KLHL32: variants seen among roughly 807,000 people sequenced by gnomAD.
The protein encoded by KLHL32 is kelch like family member 32.
In KLHL32, 35 loss-of-function variants were observed where a neutral mutation model predicts 64.8. That is an observed-to-expected ratio of 0.54 (90% confidence interval 0.41 to 0.72). The LOEUF (loss-of-function observed/expected upper bound fraction) is 0.72. Among genes scored for constraint, KLHL32 ranks in the 30% least tolerant of loss-of-function variants. KLHL32 has a pLI of 0.00. For missense variants in KLHL32, 589 were observed against 768.5 expected (o/e 0.77, Z 2.76); for synonymous variants, 259 against 281.0 (o/e 0.92, Z 0.78).
At chr6:97,105,469 T>A (rs1311215566) in intron 6 of KLHL32, 1 of 471,110 alleles carries the variant, frequency 2.1e-6, no homozygotes, top group Non-Finnish European at 4.4e-6. Flanking sequence ...CTGCCTTTTG[T>A]GCACTGAGGG....
intron 4 of KLHL32, among the ~76,000 whole-genome samples, chr6:97,055,428 T>TATCAC (rs1787640931): frequency 6.6e-6 from 1 of 152,172 alleles, no homozygotes; most frequent in African/African-American, 2.4e-5. Flanking sequence ...CTCTGTCCAA[T>TATCAC]ATCACTCCTG....
At chr6:96,984,822 A>G (rs1458264840) in intron 3 of KLHL32, among the ~76,000 whole-genome samples, 1 of 152,092 alleles carries the variant, frequency 6.6e-6, no homozygotes, top group Non-Finnish European at 1.5e-5. Flanking sequence ...TTGACTCTTT[A>G]TCCAATTTGC....
At chr6:96,991,714 G>A (rs1777896335) in intron 3 of KLHL32, among the ~76,000 whole-genome samples, 2 of 152,132 alleles carry the variant, frequency 1.3e-5, no homozygotes, top group Admixed American at 6.5e-5. Context: ...ACAGGAGCGA[G>A]GGCTTCAGAG....
At chr6:96,898,277 A>G in the KLHL32 span, among the ~76,000 whole-genome samples, 1 of 152,250 alleles carries the variant, frequency 6.6e-6, no homozygotes, top group Admixed American at 6.5e-5. Flanking sequence ...TTCACAGGGC[A>G]ATGCCACCAA....
chr6:97,123,807 T>C (rs939320411), intron 7 of KLHL32, among the ~76,000 whole-genome samples: 1 of 152,196 alleles, frequency 6.6e-6, no homozygotes, highest in African/African-American at 2.4e-5. Context: ...TATAGCAGCA[T>C]GTGGCATCGT....
At chr6:96,926,947 G>A (rs946860690) in intron 1 of KLHL32, among the ~76,000 whole-genome samples, 1 of 152,140 alleles carries the variant, frequency 6.6e-6, no homozygotes, top group African/African-American at 2.4e-5. Flanking sequence ...TCAATTATAA[G>A]TTAGTATTCT....
intron 5 of KLHL32, among the ~76,000 whole-genome samples, chr6:97,073,146 C>T (rs888323358): frequency 7.9e-5 from 12 of 152,276 alleles, no homozygotes; most frequent in South Asian, 2.1e-4. Flanking sequence ...TACCCAATCC[C>T]CTCACCCCTG....
At chr6:97,056,921 G>C (rs1788042631) in intron 4 of KLHL32, among the ~76,000 whole-genome samples, 1 of 152,104 alleles carries the variant, frequency 6.6e-6, no homozygotes, top group Admixed American at 6.5e-5. Flanking sequence ...CAACTTAGCT[G>C]TTGTAGCATG....
At chr6:96,976,446 G>T (rs529612673) in intron 3 of KLHL32, among the ~76,000 whole-genome samples, 1 of 152,126 alleles carries the variant, frequency 6.6e-6, no homozygotes, top group Non-Finnish European at 1.5e-5. Context: ...GGAAAATGTG[G>T]CACTGTAGTG....
chr6:97,060,810 A>G (rs1788756921), intron 4 of KLHL32, among the ~76,000 whole-genome samples: 1 of 152,082 alleles, frequency 6.6e-6, no homozygotes, highest in Admixed American at 6.6e-5. Flanking sequence ...CTTCTCCTGC[A>G]CTTGTGGGTT....
At chr6:97,097,138 T>A (rs1795095387) in intron 6 of KLHL32, among the ~76,000 whole-genome samples, 1 of 152,132 alleles carries the variant, frequency 6.6e-6, no homozygotes, top group Admixed American at 6.5e-5. Flanking sequence ...CACGCAAATT[T>A]AAGAGTAATT....
intron 7 of KLHL32, among the ~76,000 whole-genome samples, chr6:97,123,632 T>G (rs1290583881): frequency 6.6e-6 from 1 of 152,192 alleles, no homozygotes; most frequent in East Asian, 1.9e-4. Flanking sequence ...GATGCTGATA[T>G]GAGATGGCAT....
At chr6:97,064,550 A>G in intron 4 of KLHL32, 78 bp from the exon 5 acceptor site, 1 of 946,102 alleles carries the variant, frequency 1.1e-6, no homozygotes, top group Middle Eastern at 2.5e-4. Flanking sequence ...TAAATATACT[A>G]TGGTATATCT....
chr6:97,119,693 C>G (rs937864386), intron 7 of KLHL32, among the ~76,000 whole-genome samples: 6 of 152,194 alleles, frequency 3.9e-5, no homozygotes, highest in Admixed American at 6.5e-5. Flanking sequence ...TTCTAAACTT[C>G]ATTCCCCGAA....
At chr6:96,964,602 G>A (rs780309294) in intron 1 of KLHL32, among the ~76,000 whole-genome samples, 1 of 152,300 alleles carries the variant, frequency 6.6e-6, no homozygotes, top group East Asian at 1.9e-4. Flanking sequence ...GCAGTGAGCC[G>A]AGATCGCCCC....
At chr6:97,039,018 A>C (rs575535455) in intron 3 of KLHL32, among the ~76,000 whole-genome samples, 2 of 148,584 alleles carry the variant, frequency 1.3e-5, no homozygotes, top group Non-Finnish European at 3.0e-5. Context: ...TGGACCCAGG[A>C]GGCGGAGGTT....
At chr6:97,088,038 C>G (rs1252217093) in intron 6 of KLHL32, among the ~76,000 whole-genome samples, 2 of 152,094 alleles carry the variant, frequency 1.3e-5, no homozygotes, top group Non-Finnish European at 2.9e-5. Flanking sequence ...AGTCTCTTCT[C>G]TCACAGAAGT....
intron 4 of KLHL32, among the ~76,000 whole-genome samples, chr6:97,044,748 A>G (rs1785661646): frequency 6.6e-6 from 1 of 151,834 alleles, no homozygotes; most frequent in African/African-American, 2.4e-5. Context: ...GCTAGGTTGT[A>G]TGTTTCTAGG....
intron 1 of KLHL32, among the ~76,000 whole-genome samples, chr6:96,958,113 G>A (rs1461454345): frequency 2.5e-4 from 38 of 152,124 alleles, no homozygotes; most frequent in Admixed American, 2.5e-3. Flanking sequence ...AGAACAAATG[G>A]GATGTGATTA....
Sources: allele counts gnomAD v4.1 joint callset (sites outside exome capture counted in the v4.1 genomes callset), GRCh38; gene constraint gnomAD v4.1.1; transcripts MANE v1.5; gene names NCBI Gene and HGNC (gene_info 2026-07-23, HGNC 2026-07-21).